Variants in DNAH8 observed in about 807,000 individuals in gnomAD.
The protein encoded by DNAH8 is axonemal beta dynein heavy chain 8.
Under a neutral mutation model 562.1 loss-of-function variants are expected in DNAH8, and 382 were observed. The ratio of observed to expected loss-of-function variants is 0.68; its 90% CI spans 0.63 to 0.74. The LOEUF (loss-of-function observed/expected upper bound fraction) is 0.74, where lower values mean the gene tolerates loss of function less well. Among genes scored for constraint, DNAH8 ranks in the 30% least tolerant of loss-of-function variants. DNAH8 has a pLI of 0.00. For missense variants in DNAH8, 5,203 were observed against 5,620.4 expected, an observed-to-expected ratio of 0.93 and a Z score of 2.37; for synonymous variants, 1,881 against 1,919.4, an observed-to-expected ratio of 0.98 and a Z score of 0.52.
chr6:38,737,949 G>C lies in DNAH8; in HGVS notation c.1093G>C (p.Val365Leu), dbSNP rs1764232594. The C allele has an allele frequency of 6.2e-7, 1 of 1,609,722 alleles. No individual in the cohort carries two copies. Among genetic ancestry groups the C allele is most frequent in the African/African-American group, 1.3e-5 (1 of 74,456 alleles). Residue 365 changes from valine to leucine, a missense_variant, in exon 7 of 93, where the codon GTA becomes CTA. Transcript: ENST00000327475. ...TVHQLEEVLM[V>L]WYKQIEQVLI... is the part of the protein sequence containing the mutation. Reference sequence around the variant, plus strand: ...TCATCAGCTGGAGGAAGTGCTGATGGTATGGTACAAACAGATCGAACAGGT... The same window carrying C: ...TCATCAGCTGGAGGAAGTGCTGATGCTATGGTACAAACAGATCGAACAGGT...
At chr6:38,890,054 A>G (rs1485493610) in intron 57 of DNAH8, among the ~76,000 whole-genome samples, 1 of 152,178 alleles carries the variant, frequency 6.6e-6, no homozygotes, top group African/African-American at 2.4e-5. Context: ...GAGAGTCATA[A>G]TGATGGTCAG....
chr6:38,742,437 A>G (rs1764592750), intron 8 of DNAH8, among the ~76,000 whole-genome samples: 1 of 151,954 alleles, frequency 6.6e-6, no homozygotes. Context: ...AGCTGGGACT[A>G]ACAGGCATGC....
chr6:38,849,122 G>C (rs190402632), intron 37 of DNAH8, among the ~76,000 whole-genome samples: 180 of 152,188 alleles, frequency 1.2e-3, no homozygotes, highest in Non-Finnish European at 1.9e-3. Context: ...GCTGACCTCT[G>C]ATTAGCAGAA....
rs775387175 is a variant in DNAH8 at position 38,723,418 on chromosome 6, A to G, written c.472A>G (p.Asn158Asp). The G allele has an allele frequency of 6.2e-7, 1 of 1,612,456 alleles. No individual in the cohort carries two copies. Among genetic ancestry groups the G allele is most frequent in the East Asian group, 2.2e-5 (1 of 44,870 alleles). The change falls in exon 3 of 93, where the codon AAT becomes GAT. Residue 158 changes from asparagine (N) to aspartate (D), a missense_variant. By Grantham distance (23) the Asn-to-Asp change is conservative. Around this residue, in one of 6 missense-constraint regions of DNAH8, gnomAD observed 556 missense variants for 496.9 expected, o/e 1.12. Transcript: ENST00000327475. ...ATATATATTTGAAATTCTAGCAGAA[A>G]ATCTTGGCCTGGACATAGTAACTGT... ...YKYIFEILAE[N>D]LGLDIVTVEE... is the part of the protein sequence containing the mutation.
chr6:38,771,647 T>C (rs1458183725), intron 12 of DNAH8, among the ~76,000 whole-genome samples: 1 of 152,202 alleles, frequency 6.6e-6, no homozygotes, highest in Non-Finnish European at 1.5e-5. Flanking sequence ...TCATACAATA[T>C]GTGGTCTTTT....
intron 72 of DNAH8, 198 bp downstream of exon 72, chr6:38,923,383 C>A: frequency 1.7e-6 from 1 of 584,810 alleles, no homozygotes; most frequent in Non-Finnish European, 2.7e-6. Flanking sequence ...TGGTTCAGCA[C>A]TGTGGGTTTT....
chr6:38,826,426 CT>C lies in DNAH8; in HGVS notation c.4083+41del, dbSNP rs779966107. ...GATTGCATTTTTTTTTCTTGGAATG[CT>C]TTTTTGTTTTTTAAAGAAATAGAGA... On this transcript the variant is annotated intron_variant, in intron 29 of 92. Transcript: ENST00000327475. 4 of 1,415,730 alleles carry C rather than the reference CT, an allele frequency of 2.8e-6. No individual in the cohort carries two copies. The Admixed American group carries it at 6.1e-5, about 21-fold the overall frequency. The allele number at this position is 1,415,730 out of a possible 1,614,324, so 87.7% of individuals were successfully genotyped here.
intron 80 of DNAH8, among the ~76,000 whole-genome samples, chr6:38,949,050 C>T (rs553178159): frequency 3.3e-5 from 5 of 152,104 alleles, no homozygotes; most frequent in Non-Finnish European, 5.9e-5. Flanking sequence ...TGTTAGGACC[C>T]GGGTGGAGGG....
In DNAH8 at chr6:38,898,165, T is replaced by A. The variant is rs1779826490; in HGVS notation, c.8941-93T>A. The A allele has an allele frequency of 7.0e-6, 8 of 1,141,476 alleles. No homozygotes were observed. The Admixed American group carries it at 8.2e-5, about 12-fold the overall frequency. 70.7% of individuals were successfully genotyped at this position (1,141,476 alleles called of 1,614,324 possible). A position where few individuals can be genotyped will look rare whatever the true frequency, so the allele number is the denominator to read the frequency against. ...TAACGTTTAAAAAAAGATATGTATA[T>A]TTTAAAATTACTTTTGAGTGTCTTT... On this transcript the variant is annotated intron_variant, in intron 60 of 92. Transcript: ENST00000327475.
At chr6:38,891,831 G>A (rs1301180079) in intron 58 of DNAH8, among the ~76,000 whole-genome samples, 1 of 152,102 alleles carries the variant, frequency 6.6e-6, no homozygotes, top group Non-Finnish European at 1.5e-5. Context: ...TTTGGTATTT[G>A]GATGTTTCCT....
At chr6:38,828,672 C>G (rs1249096756) in intron 30 of DNAH8, among the ~76,000 whole-genome samples, 1 of 152,174 alleles carries the variant, frequency 6.6e-6, no homozygotes, top group Non-Finnish European at 1.5e-5. Context: ...TGACACATTT[C>G]TCAGCCTATT....
intron 88 of DNAH8, among the ~76,000 whole-genome samples, chr6:39,001,283 CAG>C (rs1292406567): frequency 1.3e-5 from 2 of 151,892 alleles, no homozygotes; most frequent in Non-Finnish European, 2.9e-5. Flanking sequence ...ATTTTGCATA[CAG>C]AGATTTAAGC....
intron 62 of DNAH8, among the ~76,000 whole-genome samples, chr6:38,900,725 C>A (rs1220799262): frequency 6.6e-6 from 1 of 151,986 alleles, no homozygotes; most frequent in East Asian, 1.9e-4. Flanking sequence ...TCAAGCGATT[C>A]TCTTGCCTCA....
chr6:39,016,347 C>T (rs543319248), intron 91 of DNAH8, among the ~76,000 whole-genome samples: 37 of 152,070 alleles, frequency 2.4e-4, no homozygotes, highest in African/African-American at 8.7e-4. Context: ...GTCAGGAGAT[C>T]GAGACCATCC....
At chr6:38,772,996 T>TTTTTTTTTTTTTTTTGTTG (rs1554205957) in intron 12 of DNAH8, among the ~76,000 whole-genome samples, 1 of 109,976 alleles carries the variant, frequency 9.1e-6, no homozygotes, top group African/African-American at 3.6e-5. Context: ...TTTTTTTTTT[T>TTTTTTTTTTTTTTTTGTTG]TTGTAGAGAT....
chr6:38,998,272 G>A (rs1765271959), intron 88 of DNAH8, among the ~76,000 whole-genome samples: 1 of 152,156 alleles, frequency 6.6e-6, no homozygotes, highest in Non-Finnish European at 1.5e-5. Flanking sequence ...TTTAAAATAA[G>A]TAAAATCTCT....
At chr6:38,837,886 C>G in intron 32 of DNAH8, 56 bp from the exon 33 acceptor site, 1 of 1,219,318 alleles carries the variant, frequency 8.2e-7, no homozygotes. Flanking sequence ...ATAAATTCCA[C>G]TTTAATTCTA....
At chr6:38,833,164 G>C (rs968498156) in intron 31 of DNAH8, among the ~76,000 whole-genome samples, 1 of 151,900 alleles carries the variant, frequency 6.6e-6, no homozygotes, top group Non-Finnish European at 1.5e-5. Context: ...ATGTTCCCCT[G>C]AAATATTCTT....
chr6:38,901,466 GC>G (rs1162664656), intron 62 of DNAH8, among the ~76,000 whole-genome samples: 5 of 152,080 alleles, frequency 3.3e-5, no homozygotes, highest in Non-Finnish European at 7.4e-5. Context: ...ACATCACAGT[GC>G]CATTTTTTGT....
Sources: gnomAD v4.1 joint callset for allele counts (sites outside exome capture counted in the v4.1 genomes callset) on GRCh38, gnomAD v4.1.1 for gene constraint, gnomAD v4.1.1 regional missense constraint, MANE v1.5 for transcripts, NCBI Gene and HGNC (gene_info 2026-07-23, HGNC 2026-07-21) for gene names.